KLF8: variants seen among roughly 807,000 people sequenced by gnomAD.
The protein encoded by KLF8 is Krueppel-like factor 8.
KLF8 carries 10 observed loss-of-function variants against 18.2 expected under a neutral mutation model. The ratio of observed to expected loss-of-function variants is 0.55; its 90% CI spans 0.34 to 0.93. The LOEUF (loss-of-function observed/expected upper bound fraction) is 0.93. Among genes scored for constraint, KLF8 ranks in the 40% least tolerant of loss-of-function variants. The pLI is 0.02. For missense variants in KLF8, 264 were observed against 277.9 expected, an observed-to-expected ratio of 0.95 and a Z score of 0.36; for synonymous variants, 109 against 97.3, an observed-to-expected ratio of 1.12 and a Z score of -0.71.
the KLF8 span, among the ~76,000 whole-genome samples, chrX:56,096,188 C>G: frequency 1.8e-5 from 2 of 111,449 alleles, no homozygotes; most frequent in African/African-American, 6.5e-5. Flanking sequence ...TGAAATTACT[C>G]AGAAACAGAG....
the KLF8 span, among the ~76,000 whole-genome samples, chrX:56,189,809 G>A: frequency 1.1e-5 from 1 of 92,392 alleles, no homozygotes; most frequent in Non-Finnish European, 2.1e-5. Flanking sequence ...TCATAGGTGG[G>A]AATTGAACAA....
the KLF8 span, among the ~76,000 whole-genome samples, chrX:56,122,505 C>A: frequency 9.0e-6 from 1 of 111,389 alleles, no homozygotes; most frequent in East Asian, 2.8e-4. Context: ...TTTGTACAAA[C>A]CTACTTTAAG....
chrX:56,239,822 T>TA (rs1264034828), intron 1 of KLF8, among the ~76,000 whole-genome samples: 4 of 112,288 alleles, frequency 3.6e-5, no homozygotes, highest in Middle Eastern at 9.3e-3. Context: ...TGTTTTCTTT[T>TA]AAAAAAATTG....
chrX:56,247,368 A>G (rs183608227), intron 1 of KLF8, among the ~76,000 whole-genome samples: 417 of 111,999 alleles, frequency 3.7e-3, no homozygotes, highest in African/African-American at 0.012. Flanking sequence ...TGAGTAAGTC[A>G]CTTAGTGAGT....
the KLF8 span, among the ~76,000 whole-genome samples, chrX:56,117,930 G>A: frequency 9.0e-6 from 1 of 111,553 alleles, no homozygotes; most frequent in African/African-American, 3.3e-5. Context: ...AAATCAGGGT[G>A]CCAGAATATT....
the KLF8 span, among the ~76,000 whole-genome samples, chrX:56,169,787 C>T: frequency 8.9e-6 from 1 of 112,052 alleles, no homozygotes; most frequent in Non-Finnish European, 1.9e-5. Flanking sequence ...AGGAAGGACA[C>T]AAGCACGGCT....
chrX:56,229,534 T>G (rs922985348), upstream of KLF8, among the ~76,000 whole-genome samples: 1 of 112,007 alleles, frequency 8.9e-6, no homozygotes, highest in Non-Finnish European at 1.9e-5. Flanking sequence ...ACCTGCTCCC[T>G]CACACCCTTT....
chrX:56,048,283 T>C, the KLF8 span, among the ~76,000 whole-genome samples: 2 of 112,070 alleles, frequency 1.8e-5, no homozygotes, highest in Non-Finnish European at 3.8e-5. Context: ...TAGATCCCAT[T>C]TGTCAATTTT....
the KLF8 span, among the ~76,000 whole-genome samples, chrX:56,146,879 A>AG: frequency 8.9e-6 from 1 of 111,993 alleles, no homozygotes; most frequent in Admixed American, 9.5e-5. Flanking sequence ...TTATATGAAT[A>AG]GAGACATAGT....
chrX:56,080,430 A>G, the KLF8 span, among the ~76,000 whole-genome samples: 1 of 110,645 alleles, frequency 9.0e-6, no homozygotes, highest in Admixed American at 9.6e-5. Flanking sequence ...CTGGATATGA[A>G]ATTCTGGGTT....
intron 5 of KLF8, among the ~76,000 whole-genome samples, chrX:56,282,425 G>T (rs962492776): frequency 1.8e-5 from 2 of 112,056 alleles, no homozygotes; most frequent in Non-Finnish European, 3.8e-5. Flanking sequence ...TCTGAATATT[G>T]AAATGATCAG....
intron 5 of KLF8, among the ~76,000 whole-genome samples, chrX:56,278,696 C>T (rs1487236911): frequency 1.8e-5 from 2 of 111,392 alleles, no homozygotes; most frequent in Middle Eastern, 4.6e-3. Flanking sequence ...CGCAAGTCCA[C>T]TGGCTCTGAG....
chrX:56,067,231 G>A, the KLF8 span, among the ~76,000 whole-genome samples: 1 of 104,709 alleles, frequency 9.6e-6, no homozygotes, highest in East Asian at 3.2e-4. Flanking sequence ...GAGTACGTGA[G>A]TACCAGATGC....
At chrX:55,990,170 A>T in the KLF8 span, among the ~76,000 whole-genome samples, 1 of 111,441 alleles carries the variant, frequency 9.0e-6, no homozygotes, top group African/African-American at 3.3e-5. Context: ...GGATTCATTG[A>T]TTTTTTGAAG....
At chrX:56,217,533 G>C in the KLF8 span, among the ~76,000 whole-genome samples, 4 of 110,319 alleles carry the variant, frequency 3.6e-5, no homozygotes, top group Non-Finnish European at 5.7e-5. Flanking sequence ...TCCTACCTCA[G>C]CCTCCCGAGT....
the KLF8 span, among the ~76,000 whole-genome samples, chrX:56,082,705 A>AT: frequency 9.0e-6 from 1 of 110,681 alleles, no homozygotes; most frequent in Non-Finnish European, 1.9e-5. Flanking sequence ...CCTTTTAATG[A>AT]TTTTTTGAGT....
the KLF8 span, among the ~76,000 whole-genome samples, chrX:56,198,199 A>C: frequency 7.1e-5 from 8 of 112,305 alleles, no homozygotes; most frequent in Non-Finnish European, 1.1e-4. Flanking sequence ...GCCCTCTCTC[A>C]GCAGTCCTAT....
At chrX:56,106,123 G>C in the KLF8 span, among the ~76,000 whole-genome samples, 1 of 110,876 alleles carries the variant, frequency 9.0e-6, no homozygotes, top group Non-Finnish European at 1.9e-5. Context: ...TGCATAACCT[G>C]ACATTTCTGT....
At chrX:56,214,753 C>A in the KLF8 span, among the ~76,000 whole-genome samples, 1 of 112,054 alleles carries the variant, frequency 8.9e-6, no homozygotes, top group African/African-American at 3.2e-5. Context: ...ATAAGTACTG[C>A]AAGTAGCCTC....
Sources: allele counts gnomAD v4.1 joint callset (sites outside exome capture counted in the v4.1 genomes callset), GRCh38; gene constraint gnomAD v4.1.1; transcripts MANE v1.5; gene names NCBI Gene and HGNC (gene_info 2026-07-23, HGNC 2026-07-21).